ZDHHC15: variants seen among roughly 807,000 people sequenced by gnomAD.
The protein encoded by ZDHHC15 is zDHHC palmitoyltransferase 15, also known as palmitoyltransferase ZDHHC15.
ZDHHC15 carries 19 observed loss-of-function variants against 31.7 expected under a neutral mutation model. The observed-to-expected ratio is 0.60, with a 90% CI of 0.42 to 0.88. ZDHHC15 has a LOEUF of 0.88. Among genes scored for constraint, ZDHHC15 ranks in the 40% least tolerant of loss-of-function variants. ZDHHC15 has a pLI of 0.00. For synonymous variants in ZDHHC15, 103 were observed against 90.0 expected, an observed-to-expected ratio of 1.14 and a Z score of -0.82; for missense variants, 209 against 251.2, an observed-to-expected ratio of 0.83 and a Z score of 1.14.
chrX:75,483,115 T>A (rs1181085105), intron 2 of ZDHHC15, among the ~76,000 whole-genome samples: 1 of 106,116 alleles, frequency 9.4e-6, no homozygotes, highest in Non-Finnish European at 1.9e-5. Flanking sequence ...TTAAAATACC[T>A]GCTTGTCAAA....
intron 4 of ZDHHC15, among the ~76,000 whole-genome samples, chrX:75,433,940 G>C (rs2083817288): frequency 9.0e-6 from 1 of 110,902 alleles, no homozygotes. Context: ...AGTGGTTGTA[G>C]TAGTTCATAT....
intron 2 of ZDHHC15, chrX:75,502,243 CCTAT>C (rs1602745337): frequency 1.8e-5 from 2 of 111,525 alleles, no homozygotes; most frequent in African/African-American, 6.5e-5. Flanking sequence ...TCCTTCTGTA[CCTAT>C]CTGTGTCCAG....
At chrX:75,454,999 C>A (rs2084191880) in intron 3 of ZDHHC15, among the ~76,000 whole-genome samples, 1 of 110,977 alleles carries the variant, frequency 9.0e-6, no homozygotes, top group South Asian at 3.8e-4. Flanking sequence ...ACTTTCTTCA[C>A]AAAATTGGAA....
chrX:75,458,906 C>T (rs762283262), intron 3 of ZDHHC15, among the ~76,000 whole-genome samples: 6 of 101,920 alleles, frequency 5.9e-5, no homozygotes, highest in East Asian at 3.2e-4. Flanking sequence ...TTCTCGCATT[C>T]GGACTGACTA....
At chrX:75,431,579 T>A (rs1263351810) in intron 4 of ZDHHC15, 59 bp from the exon 5 acceptor site, 20 of 1,015,112 alleles carry the variant, frequency 2.0e-5, no homozygotes, top group Non-Finnish European at 1.6e-5. Context: ...AGACCTTATA[T>A]CTTACTAGCT....
At chrX:75,474,446 TATACAC>T (rs59397335) in intron 3 of ZDHHC15, among the ~76,000 whole-genome samples, 17,879 of 65,956 alleles carry the variant, frequency 0.27, 1,810 homozygotes, top group East Asian at 0.84. Flanking sequence ...TATATATATA[TATACAC>T]ACACACACAC....
intron 1 of ZDHHC15, 92 bp from the exon 2 acceptor site, chrX:75,505,939 G>C: frequency 1.2e-6 from 1 of 822,816 alleles, no homozygotes; most frequent in Non-Finnish European, 1.8e-6. Context: ...AAAAAGTCTT[G>C]TCTAACTCAT....
intron 7 of ZDHHC15, among the ~76,000 whole-genome samples, chrX:75,425,696 C>T (rs1049411899): frequency 9.0e-6 from 1 of 111,633 alleles, no homozygotes; most frequent in Non-Finnish European, 1.9e-5. Flanking sequence ...TCCAATTGCT[C>T]TCTAGTAATA....
At chrX:75,456,598 G>C (rs2084226874) in intron 3 of ZDHHC15, among the ~76,000 whole-genome samples, 1 of 111,490 alleles carries the variant, frequency 9.0e-6, no homozygotes, top group Non-Finnish European at 1.9e-5. Flanking sequence ...TATACTGTTG[G>C]TGGGAGTGTA....
chrX:75,492,246 A>G (rs1290495361), intron 2 of ZDHHC15, among the ~76,000 whole-genome samples: 3 of 111,914 alleles, frequency 2.7e-5, no homozygotes, highest in African/African-American at 9.8e-5. Context: ...CTAAATATAT[A>G]TGAACCCAAT....
chrX:75,418,452 C>G (rs1184478761), intron 9 of ZDHHC15, among the ~76,000 whole-genome samples: 1 of 112,068 alleles, frequency 8.9e-6, no homozygotes, highest in Non-Finnish European at 1.9e-5. Flanking sequence ...GTGGTTCAAT[C>G]TGGTTCACAA....
rs1226904328 is a variant in ZDHHC15, at chrX:75,372,941, G to A, written c.*37C>T. Reference sequence around the variant, plus strand: ...AAGCCTCATGGGAGGCAGAGATGGTGAGTCCTGGGAATGAAGAGAAGAAAT... The same window carrying A: ...AAGCCTCATGGGAGGCAGAGATGGTAAGTCCTGGGAATGAAGAGAAGAAAT... On this transcript the variant is annotated 3_prime_UTR_variant, in exon 12 of 12. Transcript: ENST00000373367. 1.8e-5 allele frequency: 2 copies of A among 111,875 alleles called. No individual in the cohort carries two copies. The highest frequency in any genetic ancestry group is 6.5e-5 in the African/African-American group (2 of 30,788). The allele number at this position is 111,875 out of a possible 1,213,427, so 9.2% of individuals were successfully genotyped here.
At chrX:75,448,632 G>A (rs1376478865) in intron 4 of ZDHHC15, among the ~76,000 whole-genome samples, 1 of 111,535 alleles carries the variant, frequency 9.0e-6, no homozygotes, top group Non-Finnish European at 1.9e-5. Context: ...TTCTTCTGTG[G>A]AAGGGGTTAG....
chrX:75,505,949 T>C (rs1467661813), intron 1 of ZDHHC15, 102 bp from the exon 2 acceptor site: 3 of 728,601 alleles, frequency 4.1e-6, no homozygotes, highest in Non-Finnish European at 6.3e-6. Flanking sequence ...GTCTAACTCA[T>C]TTTCCACAGC....
At chrX:75,382,704 T>C (rs2083128092) in intron 10 of ZDHHC15, among the ~76,000 whole-genome samples, 1 of 112,288 alleles carries the variant, frequency 8.9e-6, no homozygotes, top group African/African-American at 3.2e-5. Context: ...CTCTAGATTA[T>C]AATAGCATTC....
chrX:75,411,606 G>C (rs1438005853), intron 10 of ZDHHC15, among the ~76,000 whole-genome samples: 1 of 112,186 alleles, frequency 8.9e-6, no homozygotes, highest in Non-Finnish European at 1.9e-5. Flanking sequence ...CAATTAACCT[G>C]ATTTAATCTT....
chrX:75,436,994 G>A (rs2083861387), intron 4 of ZDHHC15, among the ~76,000 whole-genome samples: 2 of 111,690 alleles, frequency 1.8e-5, no homozygotes, highest in South Asian at 7.5e-4. Flanking sequence ...CCATTCTCCT[G>A]CCTCAGCCTC....
At chrX:75,413,709 A>G (rs1194412613) in intron 10 of ZDHHC15, among the ~76,000 whole-genome samples, 1 of 109,592 alleles carries the variant, frequency 9.1e-6, no homozygotes, top group Non-Finnish European at 1.9e-5. Context: ...AAAACAAAAC[A>G]AAAAAAAACA....
chrX:75,453,993 C>A (rs887170586), intron 3 of ZDHHC15, among the ~76,000 whole-genome samples: 1 of 111,650 alleles, frequency 9.0e-6, no homozygotes, highest in African/African-American at 3.3e-5. Context: ...CAGGGATGCC[C>A]TCTCTCACCA....
Sources: gnomAD v4.1 joint callset for allele counts (sites outside exome capture counted in the v4.1 genomes callset) on GRCh38, gnomAD v4.1.1 for gene constraint, MANE v1.5 for transcripts, NCBI Gene and HGNC (gene_info 2026-07-23, HGNC 2026-07-21) for gene names.